WLS: variants seen among roughly 807,000 people sequenced by gnomAD.
The protein encoded by WLS is protein wntless homolog.
In WLS, 23 loss-of-function variants were observed where a neutral mutation model predicts 62.8. The ratio of observed to expected loss-of-function variants is 0.37; its 90% confidence interval spans 0.26 to 0.52. The LOEUF (loss-of-function observed/expected upper bound fraction) is 0.52. Among genes scored for constraint, WLS ranks in the 20% least tolerant of loss-of-function variants. The probability of loss-of-function intolerance (pLI) is 0.92; values close to 1 mark genes in which losing one functional copy is unlikely to be tolerated. For synonymous variants in WLS, 246 were observed against 244.1 expected, an observed-to-expected ratio of 1.01 and a Z score of -0.07; for missense variants, 615 against 697.3, an observed-to-expected ratio of 0.88 and a Z score of 1.33.
chr1:68,202,868 AG>A (rs1649099340), intron 1 of WLS: 1 of 152,152 alleles, frequency 6.6e-6, no homozygotes, highest in African/African-American at 2.4e-5. Flanking sequence ...GCAAAGCTGT[AG>A]GGGTGGAGGT....
At chr1:68,204,549 C>T (rs1221466448) in intron 1 of WLS, among the ~76,000 whole-genome samples, 1 of 152,114 alleles carries the variant, frequency 6.6e-6, no homozygotes, top group Non-Finnish European at 1.5e-5. Context: ...CCTGGTGATC[C>T]GCCCGCCTGG....
intron 11 of WLS, among the ~76,000 whole-genome samples, chr1:68,128,432 G>A (rs1646467388): frequency 6.6e-6 from 1 of 152,184 alleles, no homozygotes; most frequent in South Asian, 2.1e-4. Flanking sequence ...TTCATGATCT[G>A]CATGTCTGTG....
intron 11 of WLS, among the ~76,000 whole-genome samples, chr1:68,110,900 G>A (rs1054634451): frequency 1.3e-5 from 2 of 151,942 alleles, no homozygotes; most frequent in Non-Finnish European, 2.9e-5. Context: ...ATTTTTGATG[G>A]AACAGAATCT....
chr1:68,191,411 C>CA (rs954183728), intron 2 of WLS, among the ~76,000 whole-genome samples: 3 of 151,638 alleles, frequency 2.0e-5, no homozygotes, highest in Admixed American at 6.6e-5. Context: ...CTGCAGGTTT[C>CA]AAAAAAAAAT....
At chr1:68,223,286 T>C (rs1237448855) in intron 1 of WLS, among the ~76,000 whole-genome samples, 2 of 152,224 alleles carry the variant, frequency 1.3e-5, no homozygotes, top group East Asian at 1.9e-4. Context: ...ATAACATTAA[T>C]ATTTATCATT....
intron 10 of WLS, among the ~76,000 whole-genome samples, chr1:68,140,364 G>A (rs1646668592): frequency 6.6e-6 from 1 of 152,154 alleles, no homozygotes; most frequent in African/African-American, 2.4e-5. Context: ...ACTATGTAAG[G>A]TCAAATTTCC....
chr1:68,127,757 A>G (rs186610173), intron 11 of WLS, among the ~76,000 whole-genome samples: 17 of 152,328 alleles, frequency 1.1e-4, no homozygotes, highest in South Asian at 6.2e-4. Context: ...TTGAAATGCC[A>G]TACCATAACT....
At chr1:68,209,145 G>A (rs55873222) in intron 1 of WLS, among the ~76,000 whole-genome samples, 1 of 152,108 alleles carries the variant, frequency 6.6e-6, no homozygotes, top group Non-Finnish European at 1.5e-5. Context: ...GCAAGTTCAG[G>A]GGGGGTGTGG....
intron 2 of WLS, chr1:68,193,750 G>A (rs1221236102): frequency 1.3e-5 from 8 of 609,396 alleles, no homozygotes; most frequent in Non-Finnish European, 1.9e-5. Flanking sequence ...TCTGTAAAAT[G>A]AAATAATAAG....
chr1:68,232,494 G>A lies in WLS; in HGVS notation c.-195C>T. 1.6e-6 allele frequency: 2 copies of A among 1,212,476 alleles called. No homozygotes were observed. The highest frequency in any genetic ancestry group is 3.4e-5 in the Admixed American group (1 of 29,436). The allele number at this position is 1,212,476 out of a possible 1,614,324, so 75.1% of individuals were successfully genotyped here. On this transcript the variant is annotated 5_prime_UTR_variant, in exon 1 of 12. Coordinates refer to ENST00000262348, the MANE Select transcript of WLS (RefSeq NM_024911.7). ...GGATTCCCCCGGCGCAGCCGGCTCG[G>A]GTTCCCCCAATGCCCGGAGCTGTGA...
At chr1:68,169,655 C>T (rs76814954) in intron 2 of WLS, among the ~76,000 whole-genome samples, 5,679 of 152,238 alleles carry the variant, frequency 0.037, 156 homozygotes, top group Non-Finnish European at 0.055. Flanking sequence ...ACTGATATGC[C>T]GCTTGTTCAG....
chr1:68,145,612 A>C (rs531151381), intron 9 of WLS, among the ~76,000 whole-genome samples: 143 of 152,168 alleles, frequency 9.4e-4, no homozygotes, highest in Admixed American at 1.8e-3. Flanking sequence ...CACCAAGCTG[A>C]AGAACCGGCT....
In WLS at chr1:68,159,115, G is replaced by A. The variant is rs1646938353; in HGVS notation, c.504+8C>T. On this transcript the variant is annotated splice_region_variant and intron_variant, in intron 3 of 11. Coordinates refer to ENST00000262348, the MANE Select transcript of WLS (RefSeq NM_024911.7). ...AAAACTGTCAGCTTAGACAGCAAGG[G>A]GTCATACCTTGGGAGATGTGAAGGT... 1.2e-6 allele frequency: 2 copies of A among 1,613,274 alleles called. No individual in the cohort carries two copies. The highest frequency in any genetic ancestry group is 8.5e-7 in the Non-Finnish European group (1 of 1,179,842).
At chr1:68,194,575 T>C (rs1286006747) in intron 1 of WLS, among the ~76,000 whole-genome samples, 1 of 152,208 alleles carries the variant, frequency 6.6e-6, no homozygotes, top group African/African-American at 2.4e-5. Context: ...TGGTGCTTCA[T>C]AGAGAACAGT....
chr1:68,228,235 A>G, intron 1 of WLS: 1 of 446,242 alleles, frequency 2.2e-6, no homozygotes, highest in Non-Finnish European at 4.5e-6. Flanking sequence ...TATGTTTGGA[A>G]TAGTCTCATT....
intron 2 of WLS, among the ~76,000 whole-genome samples, chr1:68,175,003 A>C (rs1423794167): frequency 1.3e-5 from 2 of 152,300 alleles, no homozygotes; most frequent in East Asian, 3.9e-4. Context: ...AAGGCATTAC[A>C]TCCATGAGCT....
intron 11 of WLS, among the ~76,000 whole-genome samples, chr1:68,119,854 C>T (rs1646342002): frequency 1.3e-5 from 2 of 152,240 alleles, no homozygotes; most frequent in African/African-American, 2.4e-5. Flanking sequence ...GAAATAACTC[C>T]TATCTTGGCT....
At chr1:68,134,193 C>T (rs1646572353) in intron 11 of WLS, among the ~76,000 whole-genome samples, 1 of 152,132 alleles carries the variant, frequency 6.6e-6, no homozygotes, top group Non-Finnish European at 1.5e-5. Flanking sequence ...TAGGTCTTTC[C>T]AAGGAACTTC....
chr1:68,224,193 G>A (rs537697822), intron 1 of WLS, among the ~76,000 whole-genome samples: 38 of 152,280 alleles, frequency 2.5e-4, no homozygotes, highest in South Asian at 8.3e-4. Flanking sequence ...TATGAGAATG[G>A]AGTACTAAGG....
Sources: gnomAD v4.1 joint callset for allele counts (sites outside exome capture counted in the v4.1 genomes callset) on GRCh38, gnomAD v4.1.1 for gene constraint, MANE v1.5 for transcripts, NCBI Gene and HGNC (gene_info 2026-07-23, HGNC 2026-07-21) for gene names.